Variants in IQSEC1 observed in about 807,000 individuals in gnomAD.
The protein encoded by IQSEC1 is IQ motif and Sec7 domain ArfGEF 1.
A neutral mutation model predicts 91.0 loss-of-function variants in IQSEC1; 31 were observed. The observed-to-expected ratio is 0.34, with a 90% CI of 0.26 to 0.46. The LOEUF is 0.46. Among genes scored for constraint, IQSEC1 ranks in the 20% least tolerant of loss-of-function variants. The pLI, the probability that IQSEC1 is intolerant of heterozygous loss-of-function variation, is 1.00. For synonymous variants in IQSEC1, 699 were observed against 662.6 expected (o/e 1.05, Z -0.84); for missense variants, 1,388 against 1,575.6 (o/e 0.88, Z 2.02).
intron 13 of IQSEC1, among the ~76,000 whole-genome samples, chr3:12,902,108 A>G (rs4547681): frequency 0.17 from 25,430 of 152,086 alleles, 2,651 homozygotes; most frequent in African/African-American, 0.29. Flanking sequence ...GCTGCCTACT[A>G]CAAACCAAAC....
rs368905980 is a variant in IQSEC1, at chr3:13,011,716, T to A, written c.23+61276A>T. 2.2e-4 allele frequency among the ~76,000 whole-genome samples: 33 copies of A among 152,356 alleles called. No individual in the cohort carries two copies. In the South Asian group the frequency reaches 4.8e-3, roughly 22 times the overall value. ...TGTGTGGGGGCCTCTGGCGTCACAT[T>A]TCACACCCCTGTTCTGTAGGCATCG... On this transcript the variant is annotated intron_variant, in intron 1 of 13. Coordinates refer to ENST00000613206, the MANE Select transcript of IQSEC1 (RefSeq NM_001134382.3).
chr3:13,100,820 G>A (rs1166872080), intron 2 of IQSEC1, among the ~76,000 whole-genome samples: 5 of 148,892 alleles, frequency 3.4e-5, no homozygotes, highest in African/African-American at 1.3e-4. Flanking sequence ...CTGCCACAGC[G>A]TCGGGGGGAC....
At chr3:13,260,207 A>G (rs553912802) in intron 1 of IQSEC1, among the ~76,000 whole-genome samples, 1 of 152,216 alleles carries the variant, frequency 6.6e-6, no homozygotes, top group African/African-American at 2.4e-5. Context: ...GAAAGTTGCA[A>G]CCCTCAAGCC....
At chr3:13,041,299 TA>T (rs1704257138) in intron 1 of IQSEC1, among the ~76,000 whole-genome samples, 1 of 151,904 alleles carries the variant, frequency 6.6e-6, no homozygotes, top group Non-Finnish European at 1.5e-5. Flanking sequence ...TGGCTTGCAC[TA>T]ATCAGACGCA....
At position 13,073,176 on chromosome 3, in the gene IQSEC1, T is replaced by TGGGGGGGGTGGGG; in HGVS notation, c.-163_-162insCCCCACCCCCCCC. On this transcript the variant is annotated 5_prime_UTR_variant, in exon 1 of 14. Transcript: ENST00000613206. Reference sequence around the variant, plus strand: ...GGGTGGCGGGCTCCTCCAGGGAGGCTGGGGCGGGAGCGGGGGGCGGCGCCA... The same window carrying TGGGGGGGGTGGGG: ...GGGTGGCGGGCTCCTCCAGGGAGGCTGGGGGGGGTGGGGGGGGCGGGAGCGGGGGGCGGCGCCA... 2.4e-6 allele frequency: 1 copy of TGGGGGGGGTGGGG among 416,046 alleles called. No homozygotes were observed. The highest frequency in any genetic ancestry group is 4.3e-6 in the Non-Finnish European group (1 of 232,408). 25.8% of individuals were successfully genotyped at this position (416,046 alleles called of 1,614,324 possible).
intron 2 of IQSEC1, among the ~76,000 whole-genome samples, chr3:13,112,128 A>G (rs1706257136): frequency 6.6e-6 from 1 of 152,098 alleles, no homozygotes; most frequent in Non-Finnish European, 1.5e-5. Context: ...AAGGCACCTG[A>G]ACTGTCACCT....
chr3:13,046,130 G>A (rs1161056730), intron 1 of IQSEC1, among the ~76,000 whole-genome samples: 8 of 152,212 alleles, frequency 5.3e-5, no homozygotes, highest in Admixed American at 2.6e-4. Context: ...TTCAAATCCC[G>A]GCTCTGCCCC....
intron 2 of IQSEC1, among the ~76,000 whole-genome samples, chr3:13,086,469 G>A (rs1705737362): frequency 1.3e-5 from 2 of 152,214 alleles, no homozygotes; most frequent in South Asian, 4.1e-4. Context: ...GGAACCAGCG[G>A]GCGTCTTTTT....
intron 6 of IQSEC1, among the ~76,000 whole-genome samples, chr3:12,917,428 C>T (rs547560952): frequency 2.0e-4 from 30 of 152,232 alleles, no homozygotes; most frequent in Non-Finnish European, 4.1e-4. Flanking sequence ...TCCTGGCAGC[C>T]ACTCATCCTT....
At position 12,909,011 on chromosome 3, in the gene IQSEC1, T is replaced by G. The variant is rs1338791588; in HGVS notation, c.2578+262A>C. Among the ~76,000 whole-genome samples, 1 of 152,102 alleles carries G rather than the reference T, an allele frequency of 6.6e-6. No homozygotes were observed. Among genetic ancestry groups the G allele is most frequent in the Admixed American group, 6.5e-5 (1 of 15,280 alleles). ...GCCAGCTGGGAACTCTGCGGGCTCT[T>G]GCGCACGGGATGACCAGAGAGCCAG... On this transcript the variant is annotated intron_variant, in intron 11 of 13. Transcript: ENST00000613206. The surrounding 1 kb of genome is among the most constrained non-coding windows in gnomAD (Gnocchi z 4.9).
At chr3:13,022,387 C>A in intron 1 of IQSEC1, 1 of 1,134,108 alleles carries the variant, frequency 8.8e-7, no homozygotes, top group Non-Finnish European at 1.1e-6. Flanking sequence ...GGCCCTCACA[C>A]ACTAGACCCT....
intron 1 of IQSEC1, among the ~76,000 whole-genome samples, chr3:13,057,866 A>G (rs1326683945): frequency 2.0e-5 from 3 of 152,226 alleles, no homozygotes; most frequent in Non-Finnish European, 4.4e-5. Flanking sequence ...TGCACTCAGC[A>G]ACTACATGAA....
chr3:13,057,172 C>T (rs1704908739), intron 1 of IQSEC1, among the ~76,000 whole-genome samples: 1 of 152,196 alleles, frequency 6.6e-6, no homozygotes, highest in African/African-American at 2.4e-5. Context: ...CCAAGCACCA[C>T]ACTCTTGAAC....
At chr3:13,119,103 T>C (rs1706383388) in intron 2 of IQSEC1, among the ~76,000 whole-genome samples, 1 of 151,978 alleles carries the variant, frequency 6.6e-6, no homozygotes, top group Non-Finnish European at 1.5e-5. Context: ...AATGGCAAAT[T>C]TTATGTTAGA....
Position 12,992,947 on chromosome 3 carries a change from G to A in IQSEC1, c.24-51082C>T, listed in dbSNP as rs1236931886. Among the ~76,000 whole-genome samples, 1 of 152,166 alleles carries A rather than the reference G, an allele frequency of 6.6e-6. No homozygotes were observed. Among genetic ancestry groups the A allele is most frequent in the African/African-American group, 2.4e-5 (1 of 41,442 alleles). ...TCTGCCAACCCACCCTGCCTGCTTA[G>A]AGCCCAAGGGCAGGTGGTTTTGTAG... On this transcript the variant is annotated intron_variant, in intron 1 of 13. Coordinates refer to ENST00000613206, the MANE Select transcript of IQSEC1 (RefSeq NM_001134382.3). The surrounding 1 kb of genome is among the most constrained non-coding windows in gnomAD (Gnocchi z 4.1).
intron 1 of IQSEC1, among the ~76,000 whole-genome samples, chr3:13,209,654 T>C: frequency 6.6e-6 from 1 of 152,234 alleles, no homozygotes; most frequent in East Asian, 1.9e-4. Context: ...TGAAGGTCTC[T>C]AGTTGGCCTG....
chr3:13,160,131 G>C (rs907427446), intron 2 of IQSEC1, among the ~76,000 whole-genome samples: 4 of 152,158 alleles, frequency 2.6e-5, no homozygotes, highest in African/African-American at 9.7e-5. Flanking sequence ...GGGGAAAGTA[G>C]TGAGCGTGAA....
rs1282934572 is a variant in IQSEC1, at chr3:12,936,592, G to A, written c.424C>T (p.Arg142Cys). Residue 142 changes from arginine (R) to cysteine (C), a missense_variant, in exon 3 of 14, where the codon CGC (arginine) becomes TGC (cysteine). Physicochemically the swap from Arg to Cys is radical, Grantham distance 180. This residue lies in a region of IQSEC1 where 1,059 missense variants were observed against 1,317.8 expected (regional missense o/e 0.80). Coordinates refer to ENST00000613206, the MANE Select transcript of IQSEC1 (RefSeq NM_001134382.3). ...TTCTCTGACATGGAGCTGCGCAAGCGCTCGAAGTTCTTGTTCATCTGGTAC... is the reference window on the plus strand; with the variant it reads ...TTCTCTGACATGGAGCTGCGCAAGCACTCGAAGTTCTTGTTCATCTGGTAC... ...RQYQMNKNFE[R>C]LRSSMSENRM... The A allele has an allele frequency of 3.1e-6, 5 of 1,613,088 alleles. No homozygotes were observed. The highest frequency in any genetic ancestry group is 1.1e-5 in the South Asian group (1 of 91,062).
At chr3:13,122,543 CT>C (rs1706443168) in intron 2 of IQSEC1, among the ~76,000 whole-genome samples, 3 of 152,118 alleles carry the variant, frequency 2.0e-5, no homozygotes, top group Non-Finnish European at 2.9e-5. Flanking sequence ...GAATGAGGAG[CT>C]TGCTAAACTC....
Sources: gnomAD v4.1 joint callset for allele counts (sites outside exome capture counted in the v4.1 genomes callset) on GRCh38, gnomAD v4.1.1 for gene constraint, gnomAD v4.1.1 regional missense constraint, Gnocchi (gnomAD v3.1) non-coding constraint, MANE v1.5 for transcripts, NCBI Gene and HGNC (gene_info 2026-07-23, HGNC 2026-07-21) for gene names.